Variants in MBOAT1 observed in about 807,000 individuals in gnomAD.
MBOAT1 encodes membrane-bound glycerophospholipid O-acyltransferase 1.
In MBOAT1, 67 loss-of-function variants were observed where a neutral mutation model predicts 64.4. The ratio of observed to expected loss-of-function variants is 1.04; its 90% confidence interval spans 0.85 to 1.27. The LOEUF (loss-of-function observed/expected upper bound fraction) is 1.27. Among genes scored for constraint, MBOAT1 ranks in the 50% most tolerant of loss-of-function variants. MBOAT1 has a pLI of 0.00. For missense variants in MBOAT1, 563 were observed against 604.6 expected, an observed-to-expected ratio of 0.93 and a Z score of 0.72; for synonymous variants, 229 against 218.9, an observed-to-expected ratio of 1.05 and a Z score of -0.41.
intron 1 of MBOAT1, among the ~76,000 whole-genome samples, chr6:20,168,501 GA>G (rs11298554): frequency 0.05 from 3,263 of 65,764 alleles, 181 homozygotes; most frequent in African/African-American, 0.21. Flanking sequence ...CAGAGAGAGA[GA>G]GAGAGGAGAG....
chr6:20,183,649 T>C (rs1403372574), intron 1 of MBOAT1, among the ~76,000 whole-genome samples: 2 of 152,218 alleles, frequency 1.3e-5, no homozygotes, highest in African/African-American at 4.8e-5. Context: ...TCAGATTACT[T>C]AGCAAAGCTA....
intron 9 of MBOAT1, 28 bp from the exon 10 acceptor site, chr6:20,115,380 T>C (rs76188572): frequency 0.14 from 228,970 of 1,581,060 alleles, 17,906 homozygotes; most frequent in Middle Eastern, 0.19. Context: ...ACACCTATCA[T>C]TAGCTTTAAA....
At chr6:20,109,173 G>A (rs1484646594) in intron 12 of MBOAT1, among the ~76,000 whole-genome samples, 1 of 152,070 alleles carries the variant, frequency 6.6e-6, no homozygotes, top group Non-Finnish European at 1.5e-5. Context: ...CACACCACTC[G>A]ATCAGGCAAT....
chr6:20,189,894 C>A lies in MBOAT1; in HGVS notation c.99+22242G>T, dbSNP rs113932582. On this transcript the variant is annotated intron_variant, in intron 1 of 12. Transcript: ENST00000324607. ...CTTTGTAAGGCTAAGTAGTATTCCACTATTTATGTATTACATTTCCTTCAT... is the reference window on the plus strand; with the variant it reads ...CTTTGTAAGGCTAAGTAGTATTCCAATATTTATGTATTACATTTCCTTCAT... Among the ~76,000 whole-genome samples the A allele has an allele frequency of 1.5e-3, 229 of 152,062 alleles. 1 individual carries two copies. Among genetic ancestry groups the A allele is most frequent in the African/African-American group, 4.9e-3 (203 of 41,508 alleles).
At chr6:20,134,902 C>CTTTT (rs3057688) in intron 4 of MBOAT1, among the ~76,000 whole-genome samples, 5 of 104,740 alleles carry the variant, frequency 4.8e-5, no homozygotes, top group African/African-American at 1.1e-4. Context: ...AATTCATGTT[C>CTTTT]TTTTTTTTTT....
chr6:20,209,972 G>A (rs151082394), intron 1 of MBOAT1, among the ~76,000 whole-genome samples: 5 of 152,284 alleles, frequency 3.3e-5, no homozygotes, highest in African/African-American at 1.2e-4. Flanking sequence ...CCCTCCAGCT[G>A]CCCCCTACTT....
At chr6:20,150,721 G>A (rs1304814684) in intron 3 of MBOAT1, among the ~76,000 whole-genome samples, 6 of 148,538 alleles carry the variant, frequency 4.0e-5, no homozygotes, top group Non-Finnish European at 7.5e-5. Flanking sequence ...GCACCACTAC[G>A]CCCAGCTAAT....
chr6:20,110,649 C>T (rs1008881397), intron 11 of MBOAT1, among the ~76,000 whole-genome samples: 2 of 152,040 alleles, frequency 1.3e-5, no homozygotes, highest in African/African-American at 4.8e-5. Flanking sequence ...CACTTAAAAA[C>T]TTGGCACAGA....
At chr6:20,171,399 A>T (rs898857883) in intron 1 of MBOAT1, among the ~76,000 whole-genome samples, 1 of 143,682 alleles carries the variant, frequency 7.0e-6, no homozygotes, top group African/African-American at 2.6e-5. Context: ...AAAAAAAAAA[A>T]AAAACTAGCC....
chr6:20,153,711 C>G (rs546502051), intron 1 of MBOAT1, among the ~76,000 whole-genome samples: 1 of 152,238 alleles, frequency 6.6e-6, no homozygotes, highest in Non-Finnish European at 1.5e-5. Context: ...ACGTCCAGTG[C>G]CAAGCCTGTC....
chr6:20,161,799 A>C (rs1207971397), intron 1 of MBOAT1, among the ~76,000 whole-genome samples: 2 of 152,198 alleles, frequency 1.3e-5, no homozygotes, highest in Non-Finnish European at 2.9e-5. Flanking sequence ...CTCCCCAGAA[A>C]TAATAGCACT....
chr6:20,131,608 A>G (rs1760830719), intron 4 of MBOAT1, among the ~76,000 whole-genome samples: 1 of 152,252 alleles, frequency 6.6e-6, no homozygotes, highest in African/African-American at 2.4e-5. Context: ...TAGCAGCATG[A>G]GAACGGACTA....
intron 12 of MBOAT1, among the ~76,000 whole-genome samples, chr6:20,106,815 T>C (rs1257790673): frequency 6.6e-6 from 1 of 152,150 alleles, no homozygotes. Context: ...GGTTGGATCA[T>C]CTAAAATAGG....
At chr6:20,137,147 AT>A (rs1433850956) in intron 4 of MBOAT1, among the ~76,000 whole-genome samples, 1 of 152,182 alleles carries the variant, frequency 6.6e-6, no homozygotes, top group Admixed American at 6.5e-5. Context: ...TAAAAAAAAA[AT>A]CTTGTTTGAA....
At chr6:20,111,881 T>TATATACAC (rs1760178976) in intron 11 of MBOAT1, among the ~76,000 whole-genome samples, 2 of 79,852 alleles carry the variant, frequency 2.5e-5, no homozygotes, top group East Asian at 6.6e-4. Context: ...TATATATATG[T>TATATACAC]ATATATATAT....
chr6:20,116,341 AT>A (rs1250564222), intron 9 of MBOAT1, among the ~76,000 whole-genome samples: 2 of 152,034 alleles, frequency 1.3e-5, no homozygotes, highest in African/African-American at 2.4e-5. Flanking sequence ...CAAAAAAAAA[AT>A]AAAAATAAAA....
At chr6:20,183,716 T>C (rs1369864998) in intron 1 of MBOAT1, among the ~76,000 whole-genome samples, 2 of 152,226 alleles carry the variant, frequency 1.3e-5, no homozygotes, top group East Asian at 3.9e-4. Context: ...GGCAAAACCC[T>C]GCCCAAAAGG....
rs1218832780 is a variant in MBOAT1, at chr6:20,152,762, A to G, written c.107T>C (p.Phe36Ser). Reference protein sequence around the residue: ...LLGIPLDQVNFVVCQLVALFA... With the variant: ...LLGIPLDQVNSVVCQLVALFA... ...CAGAGCAACAAGCTGGCATACCACA[A>G]AATTCACCTGTGGCAGGGGAAGAGA... Residue 36 changes from phenylalanine (F) to serine (S), a missense_variant, in exon 2 of 13, where the codon TTT becomes TCT. Physicochemically the swap from Phe to Ser is radical, Grantham distance 155. Coordinates refer to ENST00000324607, the MANE Select transcript of MBOAT1 (RefSeq NM_001080480.3). The G allele has an allele frequency of 6.2e-7, 1 of 1,605,958 alleles. No individual in the cohort carries two copies. Among genetic ancestry groups the G allele is most frequent in the East Asian group, 2.2e-5 (1 of 44,648 alleles).
rs34292360 is a variant in MBOAT1 at position 20,126,379 on chromosome 6, T to C, written c.714+138A>G. ...AATAGAACTGCTGCAAATAAGTAAC[T>C]ATACTGGTATTTTAAATAAATGAGA... On this transcript the variant is annotated intron_variant, in intron 7 of 12. Transcript: ENST00000324607. 124,626 of 737,956 alleles carry C rather than the reference T, an allele frequency of 0.17. 12,761 individuals are homozygous for C. Among genetic ancestry groups the C allele is most frequent in the East Asian group, 0.42 (15,961 of 38,422 alleles). The allele number at this position is 737,956 out of a possible 1,614,324, so 45.7% of individuals were successfully genotyped here. A position where few individuals can be genotyped will look rare whatever the true frequency, so the allele number is the denominator to read the frequency against.
Sources: allele counts gnomAD v4.1 joint callset (sites outside exome capture counted in the v4.1 genomes callset), GRCh38; gene constraint gnomAD v4.1.1; transcripts MANE v1.5; gene names NCBI Gene and HGNC (gene_info 2026-07-23, HGNC 2026-07-21).